AKNA: variants seen among roughly 807,000 people sequenced by gnomAD.
AKNA encodes the protein microtubule organization protein AKNA.
In AKNA, 67 loss-of-function variants were observed where a neutral mutation model predicts 138.8. The observed-to-expected ratio is 0.48, with a 90% CI of 0.40 to 0.59. AKNA has a LOEUF of 0.59. Ranked by LOEUF, AKNA falls within the 20% of genes least tolerant of loss-of-function variation. The probability of loss-of-function intolerance (pLI) is 0.00; values close to 1 mark genes in which losing one functional copy is unlikely to be tolerated. For synonymous variants in AKNA, 737 were observed against 754.4 expected (o/e 0.98, Z 0.38); for missense variants, 1,813 against 1,880.4 (o/e 0.96, Z 0.66).
At chr9:114,343,905 A>C in intron 18 of AKNA, 102 bp from the exon 19 acceptor site, 1 of 1,093,910 alleles carries the variant, frequency 9.1e-7, no homozygotes, top group Non-Finnish European at 1.3e-6. Context: ...AATGGTTTTA[A>C]TAGTCTCTGT....
rs573322225 is a variant in AKNA at position 114,352,331 on chromosome 9, C to T, written c.3059-1310G>A. ...TTTAATTAAAGGCCGGGCGTGGCGG[C>T]TCACACCTATAATCCCAGCACTTTG... On this transcript the variant is annotated intron_variant, in intron 14 of 21. Transcript: ENST00000374088. Among the ~76,000 whole-genome samples the T allele has an allele frequency of 5.9e-5, 9 of 152,352 alleles. No individual in the cohort carries two copies. In the South Asian group the frequency reaches 1.7e-3, roughly 28 times the overall value.
chr9:114,394,360 T>C lies in AKNA; in HGVS notation c.-117A>G, dbSNP rs145821414. On this transcript the variant is annotated 5_prime_UTR_variant, in exon 1 of 22. Transcript: ENST00000307564. The stretch of plus-strand genomic sequence containing the variant: ...AAACAAACGAATACCACCTCACCTC[T>C]GTGTGGTGCTTCCTTCTGACCTTGG... The C allele has an allele frequency of 2.7e-3, 412 of 152,324 alleles. 3 individuals are homozygous for C. Among genetic ancestry groups the C allele is most frequent in the African/African-American group, 9.6e-3 (400 of 41,566 alleles). The allele number at this position is 152,324 out of a possible 1,614,324, so 9.4% of individuals were successfully genotyped here. A position where few individuals can be genotyped will look rare whatever the true frequency, so the allele number is the denominator to read the frequency against.
downstream of AKNA, chr9:114,330,675 A>T: frequency 6.2e-7 from 1 of 1,601,796 alleles, no homozygotes; most frequent in Non-Finnish European, 8.5e-7. Flanking sequence ...CCATGGGTGG[A>T]ACCGGGAGGG....
upstream of AKNA, among the ~76,000 whole-genome samples, chr9:114,390,176 G>A (rs1834280455): frequency 6.6e-6 from 1 of 152,068 alleles, no homozygotes; most frequent in Admixed American, 6.5e-5. Flanking sequence ...TAACACCAAG[G>A]AGAACCGCCT....
At chr9:114,353,852 A>G (rs967981926) in intron 14 of AKNA, among the ~76,000 whole-genome samples, 1 of 152,240 alleles carries the variant, frequency 6.6e-6, no homozygotes, top group African/African-American at 2.4e-5. Context: ...ACACCTGTAA[A>G]GGGTCCTTAC....
At chr9:114,370,860 C>T (rs1832723241) in intron 4 of AKNA, among the ~76,000 whole-genome samples, 1 of 152,128 alleles carries the variant, frequency 6.6e-6, no homozygotes, top group Non-Finnish European at 1.5e-5. Context: ...CCTCCCCCTC[C>T]CCCCATCCCC....
chr9:114,339,241 G>C (rs369437128), intron 21 of AKNA, among the ~76,000 whole-genome samples: 1 of 152,178 alleles, frequency 6.6e-6, no homozygotes, highest in East Asian at 1.9e-4. Flanking sequence ...CTCTGGGCTG[G>C]AAAGTCTCGG....
At chr9:114,391,265 G>C (rs1032795871), upstream of AKNA, among the ~76,000 whole-genome samples, 7 of 152,234 alleles carry the variant, frequency 4.6e-5, no homozygotes, top group African/African-American at 1.4e-4. Flanking sequence ...AGCCCGCAGA[G>C]ATAATTAATA....
chr9:114,386,342 T>C (rs1165917273), intron 1 of AKNA, among the ~76,000 whole-genome samples: 2 of 151,870 alleles, frequency 1.3e-5, no homozygotes, highest in Non-Finnish European at 2.9e-5. Flanking sequence ...CAATGAGGAT[T>C]TGGGGGAGAA....
chr9:114,377,600 G>A lies in AKNA; in HGVS notation c.275-68C>T, dbSNP rs778921468. 12 of 1,446,280 alleles carry A rather than the reference G, an allele frequency of 8.3e-6. No individual in the cohort carries two copies. In the South Asian group the frequency reaches 1.7e-4, roughly 20 times the overall value. 89.6% of individuals were successfully genotyped at this position (1,446,280 alleles called of 1,614,324 possible). A position where few individuals can be genotyped will look rare whatever the true frequency, so the allele number is the denominator to read the frequency against. On this transcript the variant is annotated intron_variant, in intron 2 of 21. Coordinates refer to ENST00000374088, the MANE Select transcript of AKNA (RefSeq NM_001317950.2). ...GCACCCACCTTGTAACTTACCCTAA[G>A]TCACTTCAACTCTCTGGCTTCCATT...
chr9:114,335,081 G>T lies in AKNA; in HGVS notation c.*1973C>A, dbSNP rs1471314278. 1 of 152,200 alleles carries T rather than the reference G, an allele frequency of 6.6e-6. No homozygotes were observed. Among genetic ancestry groups the T allele is most frequent in the East Asian group, 1.9e-4 (1 of 5,200 alleles). The allele number at this position is 152,200 out of a possible 1,614,324, so 9.4% of individuals were successfully genotyped here. A position where few individuals can be genotyped will look rare whatever the true frequency, so the allele number is the denominator to read the frequency against. ...CACCATTTTCAACCATACTCAGGAG[G>T]ATCCGCTGAAAAATGAAACAGAAAT... is the stretch of plus-strand genomic sequence containing the variant. On this transcript the variant is annotated 3_prime_UTR_variant, in exon 22 of 22. Transcript: ENST00000374088.
intron 4 of AKNA, among the ~76,000 whole-genome samples, chr9:114,369,268 T>C (rs1280002300): frequency 6.6e-6 from 1 of 152,204 alleles, no homozygotes; most frequent in Non-Finnish European, 1.5e-5. Context: ...CCACAGGCTG[T>C]TCAACAGCTT....
At position 114,350,911 on chromosome 9, in the gene AKNA, A is replaced by G. The variant is rs1831067548; in HGVS notation, c.3169T>C (p.Cys1057Arg). The change falls in exon 15 of 22, where the codon TGT (cysteine) becomes CGT (arginine). Residue 1057 changes from cysteine to arginine, a missense_variant. Cys to Arg is a radical substitution (Grantham distance 180). Coordinates refer to ENST00000374088, the MANE Select transcript of AKNA (RefSeq NM_001317950.2). ...APAPAAAPLP[C>R]GPTETIPSFL... is the part of the protein sequence containing the mutation. Reference sequence around the variant, plus strand: ...CTGGGGATGGTCTCTGTTGGTCCACAGGGTAGAGGCGCAGCGGCAGGGGCG... The same window carrying G: ...CTGGGGATGGTCTCTGTTGGTCCACGGGGTAGAGGCGCAGCGGCAGGGGCG... The G allele has an allele frequency of 2.1e-6, 3 of 1,442,244 alleles. No homozygotes were observed. The allele number at this position is 1,442,244 out of a possible 1,614,324, so 89.3% of individuals were successfully genotyped here. A position where few individuals can be genotyped will look rare whatever the true frequency, so the allele number is the denominator to read the frequency against.
chr9:114,360,186 C>G, intron 9 of AKNA, 124 bp from the exon 10 acceptor site: 1 of 1,139,646 alleles, frequency 8.8e-7, no homozygotes, highest in Non-Finnish European at 1.3e-6. Context: ...ACTCACTAAG[C>G]CCACCACCCT....
At chr9:114,382,428 G>A (rs985445919) in intron 1 of AKNA, among the ~76,000 whole-genome samples, 5 of 151,626 alleles carry the variant, frequency 3.3e-5, no homozygotes, top group African/African-American at 7.3e-5. Flanking sequence ...TTGTCTCTAC[G>A]AAAAATTAGC....
At chr9:114,358,241 G>A in intron 11 of AKNA, 74 bp from the exon 12 acceptor site, 1 of 1,592,150 alleles carries the variant, frequency 6.3e-7, no homozygotes, top group Non-Finnish European at 8.5e-7. Flanking sequence ...TGTCCTGGGA[G>A]CCAAGCAGCC....
At chr9:114,388,974 G>T (rs923231239), upstream of AKNA, among the ~76,000 whole-genome samples, 1 of 152,236 alleles carries the variant, frequency 6.6e-6, no homozygotes, top group African/African-American at 2.4e-5. Flanking sequence ...AGTGTCCCAG[G>T]TGACTGGCCC....
intron 2 of AKNA, among the ~76,000 whole-genome samples, chr9:114,379,969 T>C (rs1203274429): frequency 6.6e-6 from 1 of 151,964 alleles, no homozygotes; most frequent in Non-Finnish European, 1.5e-5. Flanking sequence ...TGGGCAACAC[T>C]GTGAGACCCT....
At chr9:114,342,745 C>T (rs534308645) in intron 19 of AKNA, among the ~76,000 whole-genome samples, 1 of 151,332 alleles carries the variant, frequency 6.6e-6, no homozygotes, top group South Asian at 2.1e-4. Context: ...CCCACCCACC[C>T]CGGCAGAGTC....
Sources: gnomAD v4.1 joint callset for allele counts (sites outside exome capture counted in the v4.1 genomes callset) on GRCh38, gnomAD v4.1.1 for gene constraint, MANE v1.5 for transcripts, NCBI Gene and HGNC (gene_info 2026-07-23, HGNC 2026-07-21) for gene names.